Variants in SLC24A2 observed in about 807,000 individuals in gnomAD.
SLC24A2 encodes the protein solute carrier family 24 member 2.
In SLC24A2, 36 loss-of-function variants were observed where a neutral mutation model predicts 62.0. The observed-to-expected ratio is 0.58, with a 90% CI of 0.44 to 0.77. SLC24A2 has a LOEUF of 0.77. Ranked by LOEUF, SLC24A2 falls within the 30% of genes least tolerant of loss-of-function variation. The pLI, the probability that SLC24A2 is intolerant of heterozygous loss-of-function variation, is 0.00. For missense variants in SLC24A2, 846 were observed against 817.9 expected (o/e 1.03, Z -0.42); for synonymous variants, 358 against 294.0 (o/e 1.22, Z -2.23).
At chr9:19,519,487 A>G (rs1320716820) in intron 10 of SLC24A2, among the ~76,000 whole-genome samples, 2 of 152,172 alleles carry the variant, frequency 1.3e-5, no homozygotes, top group Non-Finnish European at 2.9e-5. Context: ...CTCTACCAGG[A>G]ATATTTGGAC....
the SLC24A2 span, among the ~76,000 whole-genome samples, chr9:20,083,894 G>A: frequency 5.3e-5 from 8 of 152,152 alleles, no homozygotes; most frequent in Non-Finnish European, 8.8e-5. Flanking sequence ...CCCAGACCCC[G>A]TTTCCTCTAG....
chr9:19,968,527 T>A, the SLC24A2 span, among the ~76,000 whole-genome samples: 3 of 152,226 alleles, frequency 2.0e-5, no homozygotes, highest in Non-Finnish European at 2.9e-5. Context: ...TGGATAGACT[T>A]GTATTTCATA....
chr9:20,151,916 C>T, the SLC24A2 span, among the ~76,000 whole-genome samples: 1 of 151,486 alleles, frequency 6.6e-6, no homozygotes, highest in Non-Finnish European at 1.5e-5. Flanking sequence ...CTTTATGGAC[C>T]TGTTGCATGA....
intron 2 of SLC24A2, among the ~76,000 whole-genome samples, chr9:19,690,510 C>A (rs529252527): frequency 6.6e-6 from 1 of 152,176 alleles, no homozygotes; most frequent in East Asian, 1.9e-4. Flanking sequence ...AAGCTAAGAT[C>A]TACTGGTGGC....
the SLC24A2 span, among the ~76,000 whole-genome samples, chr9:20,070,045 TTTTATTA>T: frequency 6.6e-6 from 1 of 152,200 alleles, no homozygotes; most frequent in Non-Finnish European, 1.5e-5. Flanking sequence ...TTTGACTTAT[TTTTATTA>T]TTTATTATTT....
At chr9:19,603,835 G>A (rs761027227) in intron 4 of SLC24A2, among the ~76,000 whole-genome samples, 10 of 152,098 alleles carry the variant, frequency 6.6e-5, no homozygotes, top group Non-Finnish European at 8.8e-5. Context: ...ATTTTACTAC[G>A]TCTCCTAATT....
rs377334542 is a variant in SLC24A2 at position 19,716,994 on chromosome 9, C to A, written c.930+68943G>T. The stretch of plus-strand genomic sequence containing the variant: ...CCACCACTGCTCCTTTCTCCCCCAT[C>A]AAACATAGTTCAGTGCTATTCCAGA... On this transcript the variant is annotated intron_variant, in intron 2 of 10. Coordinates refer to ENST00000341998, the MANE Select transcript of SLC24A2 (RefSeq NM_020344.4). Among the ~76,000 whole-genome samples the A allele has an allele frequency of 2.0e-4, 30 of 152,312 alleles. No homozygotes were observed. In the South Asian group the frequency reaches 6.0e-3, roughly 30 times the overall value.
the SLC24A2 span, among the ~76,000 whole-genome samples, chr9:20,260,695 T>C: frequency 6.6e-6 from 1 of 152,100 alleles, no homozygotes; most frequent in African/African-American, 2.4e-5. Flanking sequence ...CAGGTGGTGT[T>C]TGGCTACATG....
the SLC24A2 span, among the ~76,000 whole-genome samples, chr9:19,975,798 T>C: frequency 6.6e-6 from 1 of 152,316 alleles, no homozygotes; most frequent in South Asian, 2.1e-4. Context: ...TAACCCTGTA[T>C]AGGTGGCCCT....
chr9:19,907,523 G>C, the SLC24A2 span, among the ~76,000 whole-genome samples: 1 of 152,212 alleles, frequency 6.6e-6, no homozygotes, highest in Admixed American at 6.5e-5. Flanking sequence ...AGTAGGAAAA[G>C]AGGAAGTCAA....
the SLC24A2 span, among the ~76,000 whole-genome samples, chr9:19,894,319 C>T: frequency 1.1e-3 from 161 of 152,290 alleles, no homozygotes; most frequent in African/African-American, 3.7e-3. Flanking sequence ...CTCTGAAAGT[C>T]AGCCTCTGAG....
At chr9:19,846,571 T>G in the SLC24A2 span, among the ~76,000 whole-genome samples, 8 of 152,206 alleles carry the variant, frequency 5.3e-5, no homozygotes, top group East Asian at 3.8e-4. Flanking sequence ...TTAAGTGGAT[T>G]GTTTAGACCA....
At chr9:19,541,182 G>A (rs200824683) in intron 8 of SLC24A2, among the ~76,000 whole-genome samples, 4 of 130,382 alleles carry the variant, frequency 3.1e-5, no homozygotes, top group Admixed American at 1.6e-4. Context: ...TAATTTGATC[G>A]TCTGAAGCCT....
the SLC24A2 span, among the ~76,000 whole-genome samples, chr9:19,895,229 G>GT: frequency 8.1e-3 from 1,126 of 139,420 alleles, 2 homozygotes; most frequent in Middle Eastern, 0.033. Flanking sequence ...GGTTTATTTT[G>GT]TTTTTTTTTT....
At position 19,516,338 on chromosome 9, in the gene SLC24A2, T is replaced by G; in HGVS notation, c.1801A>C (p.Asn601His). 6.2e-7 allele frequency: 1 copy of G among 1,614,154 alleles called. No homozygotes were observed. Among genetic ancestry groups the G allele is most frequent in the Non-Finnish European group, 8.5e-7 (1 of 1,180,008 alleles). The change falls in exon 11 of 11, where the codon AAT becomes CAT. Residue 601 changes from asparagine to histidine, a missense_variant. Asn to His is a moderately conservative substitution (Grantham distance 68). Transcript: ENST00000341998. The part of the protein sequence containing the change: ...HRFQPVAVSS[N>H]GLFCAIVLLF... ...AGGACGATGGCACAGAAAAGGCCATTGCTGCTGACAGCCACTGGCTGGAAT... is the reference window on the plus strand; with the variant it reads ...AGGACGATGGCACAGAAAAGGCCATGGCTGCTGACAGCCACTGGCTGGAAT...
the SLC24A2 span, among the ~76,000 whole-genome samples, chr9:20,212,003 A>G: frequency 6.6e-6 from 1 of 152,080 alleles, no homozygotes; most frequent in African/African-American, 2.4e-5. Flanking sequence ...AAGGAAACCT[A>G]AAGAAAATAA....
At chr9:20,051,657 C>CTT in the SLC24A2 span, among the ~76,000 whole-genome samples, 678 of 73,480 alleles carry the variant, frequency 9.2e-3, 51 homozygotes, top group African/African-American at 0.036. Flanking sequence ...TTTTCTTTCT[C>CTT]TTTTTTTTTT....
In SLC24A2 at chr9:19,632,771, T is replaced by G. The variant is rs1006228683; in HGVS notation, c.931-10472A>C. Among the ~76,000 whole-genome samples, 5 of 152,220 alleles carry G rather than the reference T, an allele frequency of 3.3e-5. No homozygotes were observed. Among genetic ancestry groups the G allele is most frequent in the Non-Finnish European group, 7.3e-5 (5 of 68,040 alleles). ...ATAGTACATCATTAAAACTAGGAAG[T>G]TGGCATTGGTACAATCTATGGAACT... On this transcript the variant is annotated intron_variant, in intron 2 of 10. Transcript: ENST00000341998. The surrounding 1 kb of genome is among the most constrained non-coding windows in gnomAD (Gnocchi z 4.5).
the SLC24A2 span, among the ~76,000 whole-genome samples, chr9:20,090,552 C>T: frequency 2.6e-5 from 4 of 152,154 alleles, no homozygotes; most frequent in Admixed American, 2.6e-4. Context: ...GCATCACCTA[C>T]TGGATCACAC....
Sources: allele counts gnomAD v4.1 joint callset (sites outside exome capture counted in the v4.1 genomes callset), GRCh38; gene constraint gnomAD v4.1.1; non-coding constraint Gnocchi (gnomAD v3.1); transcripts MANE v1.5; gene names NCBI Gene and HGNC (gene_info 2026-07-23, HGNC 2026-07-21).